LRP12: variants seen among roughly 807,000 people sequenced by gnomAD.
LRP12 encodes the protein low-density lipoprotein receptor-related protein 12.
LRP12 carries 14 observed loss-of-function variants against 66.0 expected under a neutral mutation model. That is an observed-to-expected ratio of 0.21 (90% CI 0.14 to 0.33). The LOEUF is 0.33. LRP12 is among the 10% of genes least tolerant of loss of function. The pLI is 1.00. For synonymous variants in LRP12, 357 were observed against 359.1 expected, an observed-to-expected ratio of 0.99 and a Z score of 0.07; for missense variants, 889 against 1,053.4, an observed-to-expected ratio of 0.84 and a Z score of 2.16.
At chr8:104,544,424 CA>C (rs1811526191) in intron 1 of LRP12, among the ~76,000 whole-genome samples, 1 of 152,112 alleles carries the variant, frequency 6.6e-6, no homozygotes. Context: ...AACAGATTCT[CA>C]ATGTAGATGA....
At chr8:104,508,831 C>T in intron 3 of LRP12, 108 bp downstream of exon 3, 1 of 978,036 alleles carries the variant, frequency 1.0e-6, no homozygotes, top group Non-Finnish European at 1.5e-6. Context: ...TTTATTACAT[C>T]TCCTGAAAAG....
chr8:104,546,942 GTATATAA>G (rs1811571377), intron 1 of LRP12, among the ~76,000 whole-genome samples: 1 of 137,002 alleles, frequency 7.3e-6, no homozygotes, highest in African/African-American at 2.7e-5. Flanking sequence ...ATTATATTTT[GTATATAA>G]TATATAATTA....
At chr8:104,569,515 G>A (rs1302255174) in intron 1 of LRP12, among the ~76,000 whole-genome samples, 1 of 152,054 alleles carries the variant, frequency 6.6e-6, no homozygotes, top group African/African-American at 2.4e-5. Flanking sequence ...GTCAATCAAT[G>A]TAATCCATTA....
intron 1 of LRP12, among the ~76,000 whole-genome samples, chr8:104,568,760 G>A (rs534961505): frequency 6.6e-6 from 1 of 152,166 alleles, no homozygotes; most frequent in South Asian, 2.1e-4. Context: ...CAGCTGTAAT[G>A]AAAAAGACAG....
chr8:104,529,721 T>C (rs1811298138), intron 2 of LRP12, among the ~76,000 whole-genome samples: 1 of 152,150 alleles, frequency 6.6e-6, no homozygotes, highest in Non-Finnish European at 1.5e-5. Context: ...GTAAGAAAAT[T>C]GATTCAAAGG....
intron 2 of LRP12, among the ~76,000 whole-genome samples, chr8:104,523,142 G>C (rs1384271516): frequency 6.6e-6 from 1 of 152,084 alleles, no homozygotes; most frequent in African/African-American, 2.4e-5. Context: ...GGTTTGAATT[G>C]TGTAAGTCCA....
chr8:104,554,118 G>A (rs1460676730), intron 1 of LRP12, among the ~76,000 whole-genome samples: 1 of 149,682 alleles, frequency 6.7e-6, no homozygotes, highest in African/African-American at 2.5e-5. Context: ...AAATGACTCT[G>A]AGCAGCAGCC....
chr8:104,515,486 T>C (rs1324020448), intron 2 of LRP12, among the ~76,000 whole-genome samples: 1 of 150,726 alleles, frequency 6.6e-6, no homozygotes, highest in African/African-American at 2.4e-5. Context: ...ATGTGGTTAC[T>C]TTTTTTGGCT....
rs745503069 is a variant in LRP12, at chr8:104,497,415, T to G, written c.1137A>C (p.Glu379Asp). Residue 379 changes from glutamate (E) to aspartate (D), a missense_variant, in exon 5 of 7, where the codon GAA becomes GAC. Glu to Asp is a conservative substitution (Grantham distance 45). Around this residue, in one of 3 missense-constraint regions of LRP12, gnomAD observed 800 missense variants for 964.5 expected, o/e 0.83. Transcript: ENST00000276654. This position sits in a 1 kb window ranked among gnomAD's most constrained non-coding sequence, Gnocchi z 4.3. ...YQVDGFCLPWEIPCGGNWGCY... is the reference protein window; with the variant it reads ...YQVDGFCLPWDIPCGGNWGCY... Reference sequence around the variant, plus strand: ...ACCCCCAGTTACCTCCACAGGGTATTTCCCATGGCAAACAGAACCCATCTA... The same window carrying G: ...ACCCCCAGTTACCTCCACAGGGTATGTCCCATGGCAAACAGAACCCATCTA... The G allele has an allele frequency of 6.2e-7, 1 of 1,614,126 alleles. No homozygotes were observed. Among genetic ancestry groups the G allele is most frequent in the Non-Finnish European group, 8.5e-7 (1 of 1,180,008 alleles).
chr8:104,550,818 A>C (rs1161545480), intron 1 of LRP12, among the ~76,000 whole-genome samples: 1 of 152,208 alleles, frequency 6.6e-6, no homozygotes, highest in Admixed American at 6.5e-5. Flanking sequence ...TGAATGTATA[A>C]ATAAATGAAT....
chr8:104,547,883 CATTTTGTATATAATATACAATTCTGTTAT>C (rs1811621471), intron 1 of LRP12, among the ~76,000 whole-genome samples: 1 of 121,550 alleles, frequency 8.2e-6, no homozygotes, highest in Non-Finnish European at 1.6e-5. Context: ...TGTTATATTA[CATTTTGTATATAATATACAATTCTGTTAT>C]ATTTTGTATA....
At chr8:104,548,127 A>C (rs1811631773) in intron 1 of LRP12, among the ~76,000 whole-genome samples, 1 of 102,596 alleles carries the variant, frequency 9.7e-6, no homozygotes, top group Non-Finnish European at 1.7e-5. Flanking sequence ...TTTGTATATA[A>C]TATATAATTA....
At chr8:104,527,765 T>C (rs1418544632) in intron 2 of LRP12, among the ~76,000 whole-genome samples, 1 of 152,080 alleles carries the variant, frequency 6.6e-6, no homozygotes, top group East Asian at 1.9e-4. Flanking sequence ...CACACCAGCA[T>C]GGCACTTGTA....
chr8:104,552,517 A>G (rs532443174), intron 1 of LRP12, among the ~76,000 whole-genome samples: 1 of 149,078 alleles, frequency 6.7e-6, no homozygotes, highest in Non-Finnish European at 1.5e-5. Flanking sequence ...TAAAAATACA[A>G]TTTTTTTTTT....
At position 104,506,861 on chromosome 8, in the gene LRP12, C is replaced by T. The variant is rs1309882294; in HGVS notation, c.272+2078G>A. On this transcript the variant is annotated intron_variant, in intron 3 of 6. Coordinates refer to ENST00000276654, the MANE Select transcript of LRP12 (RefSeq NM_013437.5). The stretch of plus-strand genomic sequence containing the variant: ...ACAGTTCTCAGTATTGTTTTTACTC[C>T]GTAACTTTAGTTTCCCTCTTCTATC... 4.6e-5 allele frequency: 7 copies of T among 152,162 alleles called. No homozygotes were observed. In the South Asian group the frequency reaches 8.3e-4, roughly 18 times the overall value. The allele number at this position is 152,162 out of a possible 1,614,324, so 9.4% of individuals were successfully genotyped here.
chr8:104,518,998 A>G (rs1324060698), intron 2 of LRP12, among the ~76,000 whole-genome samples: 1 of 152,108 alleles, frequency 6.6e-6, no homozygotes, highest in African/African-American at 2.4e-5. Flanking sequence ...AATCTGCAAG[A>G]AAAATAAGTT....
intron 2 of LRP12, among the ~76,000 whole-genome samples, chr8:104,519,329 C>A (rs559026083): frequency 2.0e-5 from 3 of 151,956 alleles, no homozygotes; most frequent in Non-Finnish European, 4.4e-5. Context: ...TAGAATTACT[C>A]CAAATTTCAT....
chr8:104,588,445 C>T (rs534680021), intron 1 of LRP12, among the ~76,000 whole-genome samples: 1 of 152,270 alleles, frequency 6.6e-6, no homozygotes, highest in East Asian at 1.9e-4. Flanking sequence ...GGGGCGAGCT[C>T]CTCTGCTTTC....
At chr8:104,535,872 A>G (rs1003897375) in intron 1 of LRP12, among the ~76,000 whole-genome samples, 1 of 152,074 alleles carries the variant, frequency 6.6e-6, no homozygotes, top group African/African-American at 2.4e-5. Context: ...TGCTTGTAAA[A>G]GAAATAGTGC....
Sources: gnomAD v4.1 joint callset for allele counts (sites outside exome capture counted in the v4.1 genomes callset) on GRCh38, gnomAD v4.1.1 for gene constraint, gnomAD v4.1.1 regional missense constraint, Gnocchi (gnomAD v3.1) non-coding constraint, MANE v1.5 for transcripts, NCBI Gene and HGNC (gene_info 2026-07-23, HGNC 2026-07-21) for gene names.